SLC9A9: variants seen among roughly 807,000 people sequenced by gnomAD.
SLC9A9 encodes the protein sodium/hydrogen exchanger 9.
Under a neutral mutation model 77.8 loss-of-function variants are expected in SLC9A9, and 62 were observed. That is an observed-to-expected ratio of 0.80 (90% confidence interval 0.65 to 0.98). The LOEUF is 0.98. Ranked by LOEUF, SLC9A9 falls within the 50% of genes least tolerant of loss-of-function variation. SLC9A9 has a pLI of 0.00. For synonymous variants in SLC9A9, 320 were observed against 283.5 expected (o/e 1.13, Z -1.29); for missense variants, 775 against 774.9 (o/e 1.00, Z 0.00).
intron 6 of SLC9A9, among the ~76,000 whole-genome samples, chr3:143,590,253 T>C (rs757194237): frequency 1.3e-5 from 2 of 152,210 alleles, no homozygotes; most frequent in Non-Finnish European, 1.5e-5. Flanking sequence ...GTTTCCTTCA[T>C]AGAGTGGGGA....
At chr3:143,468,366 T>C (rs2108570478) in intron 11 of SLC9A9, among the ~76,000 whole-genome samples, 1 of 152,358 alleles carries the variant, frequency 6.6e-6, no homozygotes, top group Non-Finnish European at 1.5e-5. Context: ...CTTTTGGAAC[T>C]CCATCAAAAA....
chr3:143,839,471 C>G (rs919978109), intron 1 of SLC9A9, among the ~76,000 whole-genome samples: 1 of 150,804 alleles, frequency 6.6e-6, no homozygotes, highest in Admixed American at 6.7e-5. Flanking sequence ...TGTCCACAAT[C>G]CATCCTTGGT....
At chr3:143,505,371 A>G (rs531058892) in intron 9 of SLC9A9, among the ~76,000 whole-genome samples, 2 of 152,324 alleles carry the variant, frequency 1.3e-5, no homozygotes, top group South Asian at 2.1e-4. Flanking sequence ...CATGATAATG[A>G]TTATATATAG....
At chr3:143,293,693 G>A (rs902840466) in intron 14 of SLC9A9, among the ~76,000 whole-genome samples, 3 of 152,114 alleles carry the variant, frequency 2.0e-5, no homozygotes, top group African/African-American at 4.8e-5. Flanking sequence ...AGCTTATCTG[G>A]GTCTTATTTG....
In SLC9A9 at chr3:143,417,576, G is replaced by C. The variant is rs913987847; in HGVS notation, c.1470-35462C>G. Among the ~76,000 whole-genome samples, 5 of 151,798 alleles carry C rather than the reference G, an allele frequency of 3.3e-5. No homozygotes were observed. The South Asian group carries it at 1.0e-3, about 32-fold the overall frequency. ...AGGGAAAAAGGGATGGATGGAGAGA[G>C]AGAGAGGGAGAGATCAGCCCCTGTC... On this transcript the variant is annotated intron_variant, in intron 12 of 15. Transcript: ENST00000316549.
intron 12 of SLC9A9, among the ~76,000 whole-genome samples, chr3:143,464,304 G>T (rs1482489151): frequency 3.3e-5 from 5 of 152,166 alleles, no homozygotes; most frequent in Admixed American, 3.3e-4. Flanking sequence ...TAAATGATGG[G>T]TGACTATGAG....
intron 12 of SLC9A9, among the ~76,000 whole-genome samples, chr3:143,410,067 G>T (rs762923513): frequency 4.6e-5 from 7 of 152,190 alleles, no homozygotes; most frequent in Non-Finnish European, 1.0e-4. Flanking sequence ...AAGAAATGCG[G>T]ACTTTGTCTC....
At chr3:143,286,809 C>T (rs1471035332) in intron 14 of SLC9A9, among the ~76,000 whole-genome samples, 3 of 152,152 alleles carry the variant, frequency 2.0e-5, no homozygotes, top group African/African-American at 7.2e-5. Flanking sequence ...AGATTAACAC[C>T]AAACTTTTTA....
intron 3 of SLC9A9, 49 bp from the exon 4 acceptor site, chr3:143,795,126 A>G: frequency 6.5e-7 from 1 of 1,539,856 alleles, no homozygotes; most frequent in Non-Finnish European, 8.9e-7. Context: ...ATTTTTTCTT[A>G]GTGCAAAAGA....
At chr3:143,650,607 G>A (rs2038780179) in intron 6 of SLC9A9, among the ~76,000 whole-genome samples, 1 of 152,168 alleles carries the variant, frequency 6.6e-6, no homozygotes, top group African/African-American at 2.4e-5. Flanking sequence ...TTTTACTTAC[G>A]ATTACCCTTT....
intron 14 of SLC9A9, among the ~76,000 whole-genome samples, chr3:143,349,464 C>A (rs1289736406): frequency 6.6e-6 from 1 of 152,138 alleles, no homozygotes; most frequent in African/African-American, 2.4e-5. Context: ...AAGAGCAGCC[C>A]TTTATCAAGG....
intron 4 of SLC9A9, among the ~76,000 whole-genome samples, chr3:143,767,587 C>T (rs1043939875): frequency 3.3e-5 from 5 of 152,022 alleles, no homozygotes; most frequent in Non-Finnish European, 5.9e-5. Context: ...CCATAGACTC[C>T]TTGGTTTCTA....
intron 12 of SLC9A9, among the ~76,000 whole-genome samples, chr3:143,406,765 C>T (rs1343877195): frequency 6.6e-6 from 1 of 152,006 alleles, no homozygotes; most frequent in Non-Finnish European, 1.5e-5. Context: ...CACCTAAGGT[C>T]AGGAGTTCGA....
chr3:143,663,616 C>A (rs888421787), intron 5 of SLC9A9, among the ~76,000 whole-genome samples: 1 of 152,224 alleles, frequency 6.6e-6, no homozygotes, highest in South Asian at 2.1e-4. Flanking sequence ...GTAGAGAAGA[C>A]CTTAAATGAC....
At chr3:143,564,762 G>A (rs2037142030) in intron 8 of SLC9A9, among the ~76,000 whole-genome samples, 1 of 152,126 alleles carries the variant, frequency 6.6e-6, no homozygotes, top group South Asian at 2.1e-4. Context: ...ATGAATCTAT[G>A]TTATTATTTC....
intron 12 of SLC9A9, among the ~76,000 whole-genome samples, chr3:143,422,932 T>G (rs2034325665): frequency 6.6e-6 from 1 of 152,126 alleles, no homozygotes; most frequent in Admixed American, 6.5e-5. Context: ...AGTTCAAGAC[T>G]TGTTTAAGGT....
intron 6 of SLC9A9, among the ~76,000 whole-genome samples, chr3:143,615,575 A>C (rs553908631): frequency 6.6e-6 from 1 of 152,312 alleles, no homozygotes; most frequent in African/African-American, 2.4e-5. Context: ...GGAAGAGGAA[A>C]AGCATCCCCC....
At chr3:143,779,629 C>T (rs1167691751) in intron 4 of SLC9A9, among the ~76,000 whole-genome samples, 6 of 152,258 alleles carry the variant, frequency 3.9e-5, no homozygotes, top group Non-Finnish European at 8.8e-5. Context: ...CTTCGGCCTC[C>T]CAAAGTGCTG....
intron 4 of SLC9A9, among the ~76,000 whole-genome samples, chr3:143,779,376 T>A (rs1015863755): frequency 3.9e-5 from 6 of 152,056 alleles, no homozygotes; most frequent in Non-Finnish European, 1.5e-5. Context: ...GGGTTTTTTG[T>A]TTGTTTGTTT....
Sources: allele counts gnomAD v4.1 joint callset (sites outside exome capture counted in the v4.1 genomes callset), GRCh38; gene constraint gnomAD v4.1.1; transcripts MANE v1.5; gene names NCBI Gene and HGNC (gene_info 2026-07-23, HGNC 2026-07-21).